The following PDE8B variants were observed in gnomAD, a reference collection of about 807,000 sequenced individuals.
PDE8B encodes the protein high affinity cAMP-specific and IBMX-insensitive 3',5'-cyclic phosphodiesterase 8B.
PDE8B carries 26 observed loss-of-function variants against 101.3 expected under a neutral mutation model. The observed-to-expected ratio is 0.26, with a 90% confidence interval of 0.19 to 0.36. PDE8B has a LOEUF of 0.36. Among genes scored for constraint, PDE8B ranks in the 10% least tolerant of loss-of-function variants. The pLI is 1.00. For synonymous variants in PDE8B, 424 were observed against 429.3 expected (o/e 0.99, Z 0.15); for missense variants, 810 against 1,163.1 (o/e 0.70, Z 4.42).
intron 18 of PDE8B, 23 bp from the exon 19 acceptor site, chr5:77,419,744 C>A (rs368103353): frequency 1.6e-5 from 26 of 1,613,110 alleles, no homozygotes; most frequent in Non-Finnish European, 2.0e-5. Flanking sequence ...TGAACAAGCC[C>A]CTTTGTCTTG....
the PDE8B span, among the ~76,000 whole-genome samples, chr5:77,091,913 C>G: frequency 5.3e-5 from 8 of 152,180 alleles, no homozygotes; most frequent in Non-Finnish European, 1.2e-4. Flanking sequence ...AAAGCACCAT[C>G]TTAAGCCTAA....
chr5:77,396,054 A>G (rs1790990687), intron 10 of PDE8B, among the ~76,000 whole-genome samples: 1 of 152,270 alleles, frequency 6.6e-6, no homozygotes, highest in Non-Finnish European at 1.5e-5. Context: ...ATCAACCCAA[A>G]CATGTTTTAC....
intron 1 of PDE8B, chr5:77,290,614 T>C: frequency 1.3e-6 from 2 of 1,509,330 alleles, no homozygotes; most frequent in Non-Finnish European, 1.8e-6. Flanking sequence ...GTGGAAGGTG[T>C]GGGTGAAGTT....
chr5:77,351,175 C>A, intron 9 of PDE8B, 22 bp downstream of exon 9: 2 of 1,561,038 alleles, frequency 1.3e-6, no homozygotes, highest in Non-Finnish European at 1.8e-6. Flanking sequence ...CTGTTCAACT[C>A]TTTTAGCTGA....
chr5:77,365,156 C>T (rs973207737), intron 10 of PDE8B, among the ~76,000 whole-genome samples: 3 of 152,096 alleles, frequency 2.0e-5, no homozygotes, highest in South Asian at 2.1e-4. Flanking sequence ...CATAGTGGCT[C>T]CCAACCTTGG....
intron 5 of PDE8B, among the ~76,000 whole-genome samples, chr5:77,335,564 T>TGTGTGTGA (rs777358989): frequency 9.9e-4 from 99 of 99,970 alleles, no homozygotes; most frequent in Admixed American, 5.7e-3. Flanking sequence ...TGTGTGTGTG[T>TGTGTGTGA]GAGAGAGAGA....
At chr5:77,324,114 T>C (rs1038091542) in intron 2 of PDE8B, among the ~76,000 whole-genome samples, 3 of 152,220 alleles carry the variant, frequency 2.0e-5, no homozygotes, top group Non-Finnish European at 4.4e-5. Flanking sequence ...GTTGAGAAAC[T>C]ACCCTTCTAT....
chr5:77,320,921 C>A (rs1774903709), intron 2 of PDE8B, among the ~76,000 whole-genome samples: 1 of 152,000 alleles, frequency 6.6e-6, no homozygotes, highest in East Asian at 1.9e-4. Context: ...GAATGCATTA[C>A]TTAAGTTTTG....
chr5:77,207,773 G>A (rs1184172537), upstream of PDE8B, among the ~76,000 whole-genome samples: 1 of 152,196 alleles, frequency 6.6e-6, no homozygotes, highest in African/African-American at 2.4e-5. Flanking sequence ...TCAGCAGCCA[G>A]ATCTGTTCCA....
At chr5:77,103,122 C>T in the PDE8B span, among the ~76,000 whole-genome samples, 1 of 152,176 alleles carries the variant, frequency 6.6e-6, no homozygotes, top group African/African-American at 2.4e-5. Flanking sequence ...ACAAAAGATG[C>T]CTTATGTTCC....
At chr5:77,118,286 A>T in the PDE8B span, 1 of 398,294 alleles carries the variant, frequency 2.5e-6, no homozygotes, top group Non-Finnish European at 4.4e-6. Context: ...AAGCATCTAA[A>T]TTTTAAGTTT....
At chr5:77,347,239 A>G (rs964892366) in intron 7 of PDE8B, among the ~76,000 whole-genome samples, 1 of 152,236 alleles carries the variant, frequency 6.6e-6, no homozygotes, top group Non-Finnish European at 1.5e-5. Flanking sequence ...TGAGTCAGGT[A>G]TCACTATTGT....
At chr5:77,262,367 C>G (rs533460215) in intron 1 of PDE8B, among the ~76,000 whole-genome samples, 3 of 152,274 alleles carry the variant, frequency 2.0e-5, no homozygotes, top group South Asian at 4.2e-4. Flanking sequence ...GTGTGGCTAT[C>G]AAGCATAATC....
At chr5:77,293,744 TG>T (rs1339642201) in intron 1 of PDE8B, among the ~76,000 whole-genome samples, 1 of 152,266 alleles carries the variant, frequency 6.6e-6, no homozygotes, top group East Asian at 1.9e-4. Context: ...TTAGTCTGCA[TG>T]CTTGCCAGCA....
intron 17 of PDE8B, among the ~76,000 whole-genome samples, chr5:77,413,701 A>T (rs1487148655): frequency 4.6e-5 from 7 of 152,114 alleles, no homozygotes; most frequent in Admixed American, 3.3e-4. Context: ...TACAGTCCAG[A>T]TATTAATAAT....
chr5:77,393,668 G>A (rs770196180), intron 10 of PDE8B, among the ~76,000 whole-genome samples: 4 of 152,170 alleles, frequency 2.6e-5, no homozygotes, highest in Non-Finnish European at 4.4e-5. Flanking sequence ...AATTGGCTTT[G>A]CTGGAACTTT....
At chr5:77,285,597 T>C (rs1256333216) in intron 1 of PDE8B, among the ~76,000 whole-genome samples, 1 of 152,240 alleles carries the variant, frequency 6.6e-6, no homozygotes, top group Non-Finnish European at 1.5e-5. Context: ...ATTTTTCCTG[T>C]CTGTCATTTG....
At chr5:77,384,948 T>C (rs939047175) in intron 10 of PDE8B, among the ~76,000 whole-genome samples, 1 of 152,190 alleles carries the variant, frequency 6.6e-6, no homozygotes, top group Non-Finnish European at 1.5e-5. Flanking sequence ...TTTTGTTGAG[T>C]CTCTACCAGG....
intron 6 of PDE8B, among the ~76,000 whole-genome samples, chr5:77,341,256 G>C (rs1779166263): frequency 6.6e-6 from 1 of 152,146 alleles, no homozygotes; most frequent in South Asian, 2.1e-4. Flanking sequence ...GGTAGTGTTT[G>C]TTGTGGGGGG....
Sources: gnomAD v4.1 joint callset for allele counts (sites outside exome capture counted in the v4.1 genomes callset) on GRCh38, gnomAD v4.1.1 for gene constraint, MANE v1.5 for transcripts, NCBI Gene and HGNC (gene_info 2026-07-23, HGNC 2026-07-21) for gene names.